The following NAALADL2 variants were observed in gnomAD, a reference collection of about 807,000 sequenced individuals.
NAALADL2 encodes the protein N-acetylated alpha-linked acidic dipeptidase like 2.
A neutral mutation model predicts 87.2 loss-of-function variants in NAALADL2; 76 were observed. The ratio of observed to expected loss-of-function variants is 0.87; its 90% CI spans 0.72 to 1.05. NAALADL2 has a LOEUF of 1.05. Ranked by LOEUF, NAALADL2 falls within the 50% of genes least tolerant of loss-of-function variation. The pLI is 0.00. For synonymous variants in NAALADL2, 354 were observed against 331.0 expected, an observed-to-expected ratio of 1.07 and a Z score of -0.75; for missense variants, 1,089 against 945.8, an observed-to-expected ratio of 1.15 and a Z score of -1.99.
intron 1 of NAALADL2, among the ~76,000 whole-genome samples, chr3:174,944,783 A>G (rs1310125312): frequency 6.6e-6 from 1 of 152,096 alleles, no homozygotes; most frequent in Admixed American, 6.5e-5. Context: ...GGGGGTTGCA[A>G]ATATCCATGA....
chr3:174,491,362 T>C (rs1416348322), intron 1 of NAALADL2, among the ~76,000 whole-genome samples: 1 of 152,208 alleles, frequency 6.6e-6, no homozygotes, highest in Non-Finnish European at 1.5e-5. Flanking sequence ...ATGGAAGTGT[T>C]GAGTAGTCAA....
intron 1 of NAALADL2, among the ~76,000 whole-genome samples, chr3:174,473,070 C>T (rs1049810493): frequency 6.6e-6 from 1 of 152,004 alleles, no homozygotes; most frequent in African/African-American, 2.4e-5. Context: ...GTGTTTAAAC[C>T]CTGATACGTC....
chr3:175,605,934 G>C (rs1723676174), intron 10 of NAALADL2, among the ~76,000 whole-genome samples: 1 of 152,092 alleles, frequency 6.6e-6, no homozygotes, highest in African/African-American at 2.4e-5. Flanking sequence ...TCCTTTGGTG[G>C]AAAACAGCAA....
chr3:174,636,453 A>G (rs1685062820), intron 2 of NAALADL2, among the ~76,000 whole-genome samples: 1 of 152,132 alleles, frequency 6.6e-6, no homozygotes, highest in African/African-American at 2.4e-5. Context: ...CTCAAACAAC[A>G]GTAAAAATAT....
At chr3:174,978,158 C>T (rs1204370814) in intron 1 of NAALADL2, among the ~76,000 whole-genome samples, 1 of 152,162 alleles carries the variant, frequency 6.6e-6, no homozygotes, top group Non-Finnish European at 1.5e-5. Flanking sequence ...AGGAAGTTTG[C>T]TCTTAAGTCT....
chr3:174,917,984 T>G (rs184799760), intron 1 of NAALADL2, among the ~76,000 whole-genome samples: 6 of 152,278 alleles, frequency 3.9e-5, no homozygotes, highest in Admixed American at 3.9e-4. Flanking sequence ...TAGTATACGA[T>G]TCATATTAAA....
chr3:175,797,431 T>G (rs1181096560), intron 13 of NAALADL2, among the ~76,000 whole-genome samples: 1 of 152,222 alleles, frequency 6.6e-6, no homozygotes, highest in Non-Finnish European at 1.5e-5. Flanking sequence ...TAACACAATC[T>G]ATTCTTCCTG....
At chr3:174,800,313 T>C (rs1002173674) in intron 3 of NAALADL2, among the ~76,000 whole-genome samples, 22 of 152,220 alleles carry the variant, frequency 1.4e-4, no homozygotes, top group African/African-American at 5.1e-4. Context: ...GTATGCAGTC[T>C]AGGGACTTGG....
intron 2 of NAALADL2, among the ~76,000 whole-genome samples, chr3:175,159,120 G>A (rs1476055992): frequency 6.6e-6 from 1 of 152,034 alleles, no homozygotes; most frequent in African/African-American, 2.4e-5. Context: ...GATTCTTTTA[G>A]CTTAATAAAG....
At chr3:174,852,427 C>A (rs1252899004) in intron 3 of NAALADL2, among the ~76,000 whole-genome samples, 1 of 152,012 alleles carries the variant, frequency 6.6e-6, no homozygotes, top group Non-Finnish European at 1.5e-5. Context: ...CAACAATAAA[C>A]TATCTAAAAA....
intron 4 of NAALADL2, among the ~76,000 whole-genome samples, chr3:175,300,572 C>T (rs147140819): frequency 0.014 from 2,085 of 151,950 alleles, 51 homozygotes; most frequent in African/African-American, 0.047. Flanking sequence ...AGTTTATTTG[C>T]GTACAGGTGT....
intron 10 of NAALADL2, among the ~76,000 whole-genome samples, chr3:175,595,965 G>A (rs1377328139): frequency 6.6e-6 from 1 of 151,838 alleles, no homozygotes; most frequent in Non-Finnish European, 1.5e-5. Context: ...ATTCATGAAG[G>A]TTTTCATTAG....
intron 11 of NAALADL2, among the ~76,000 whole-genome samples, chr3:175,636,820 G>T (rs961316941): frequency 3.9e-5 from 6 of 152,056 alleles, no homozygotes; most frequent in African/African-American, 1.4e-4. Flanking sequence ...TGATTTTTTG[G>T]ATAGTAATTT....
intron 5 of NAALADL2, among the ~76,000 whole-genome samples, chr3:175,331,782 G>T (rs1231999732): frequency 6.6e-6 from 1 of 152,132 alleles, no homozygotes. Flanking sequence ...GAAATAAAAA[G>T]ACATCCACAT....
intron 11 of NAALADL2, among the ~76,000 whole-genome samples, chr3:175,630,352 C>G (rs984640406): frequency 6.6e-6 from 1 of 151,530 alleles, no homozygotes; most frequent in African/African-American, 2.4e-5. Flanking sequence ...TTATTTTCTA[C>G]GACAAAAAGG....
chr3:175,523,660 A>G (rs1732984866), intron 9 of NAALADL2, among the ~76,000 whole-genome samples: 2 of 152,200 alleles, frequency 1.3e-5, no homozygotes, highest in Admixed American at 1.3e-4. Context: ...TCTTACCCTG[A>G]GGCGTGTGGC....
chr3:175,318,486 TC>T (rs1040676495), intron 4 of NAALADL2, among the ~76,000 whole-genome samples: 6 of 152,166 alleles, frequency 3.9e-5, no homozygotes, highest in African/African-American at 9.7e-5. Flanking sequence ...TTTATTTTTT[TC>T]CTCAAAAAAC....
At chr3:174,452,275 C>T (rs1559993119) in intron 1 of NAALADL2, among the ~76,000 whole-genome samples, 1 of 152,156 alleles carries the variant, frequency 6.6e-6, no homozygotes, top group Non-Finnish European at 1.5e-5. Context: ...CACCTCATCT[C>T]TTCCTTGACC....
chr3:174,871,919 TA>T (rs547907565), intron 1 of NAALADL2, among the ~76,000 whole-genome samples: 2 of 152,046 alleles, frequency 1.3e-5, no homozygotes, highest in South Asian at 2.1e-4. Context: ...AATAAATAAA[TA>T]AATACCTTGT....
Sources: gnomAD v4.1 joint callset for allele counts (sites outside exome capture counted in the v4.1 genomes callset) on GRCh38, gnomAD v4.1.1 for gene constraint, MANE v1.5 for transcripts, NCBI Gene and HGNC (gene_info 2026-07-23, HGNC 2026-07-21) for gene names.